The following ATF6 variants were observed in gnomAD, a reference collection of about 807,000 sequenced individuals.
ATF6 encodes activating transcription factor 6.
ATF6 carries 53 observed loss-of-function variants against 83.6 expected under a neutral mutation model. The observed-to-expected ratio is 0.63, with a 90% confidence interval of 0.51 to 0.80. The LOEUF (loss-of-function observed/expected upper bound fraction) is 0.80, where lower values mean the gene tolerates loss of function less well. Ranked by LOEUF, ATF6 falls within the 30% of genes least tolerant of loss-of-function variation. ATF6 has a pLI of 0.00. For synonymous variants in ATF6, 288 were observed against 285.8 expected, an observed-to-expected ratio of 1.01 and a Z score of -0.08; for missense variants, 744 against 797.9, an observed-to-expected ratio of 0.93 and a Z score of 0.81.
At chr1:161,809,576 G>C (rs1015940548) in intron 7 of ATF6, among the ~76,000 whole-genome samples, 10 of 152,148 alleles carry the variant, frequency 6.6e-5, no homozygotes, top group African/African-American at 9.7e-5. Context: ...GGATGGTTGG[G>C]TCAAATGGTA....
intron 14 of ATF6, among the ~76,000 whole-genome samples, chr1:161,908,465 T>A (rs1279020150): frequency 6.6e-6 from 1 of 152,218 alleles, no homozygotes; most frequent in Non-Finnish European, 1.5e-5. Context: ...ATGCACAATA[T>A]TGCACAACAT....
intron 1 of ATF6, among the ~76,000 whole-genome samples, chr1:161,773,239 T>G (rs1571116086): frequency 6.6e-6 from 1 of 151,214 alleles, no homozygotes; most frequent in Non-Finnish European, 1.5e-5. Flanking sequence ...GTTCACGCCA[T>G]TCTTCTGCCT....
intron 9 of ATF6, among the ~76,000 whole-genome samples, chr1:161,829,402 G>T (rs530240883): frequency 6.6e-6 from 1 of 151,946 alleles, no homozygotes; most frequent in Non-Finnish European, 1.5e-5. Context: ...TCTGCACCAA[G>T]CAGACCTAAT....
intron 15 of ATF6, among the ~76,000 whole-genome samples, chr1:161,929,917 G>A (rs1333690223): frequency 6.6e-6 from 1 of 152,220 alleles, no homozygotes; most frequent in Non-Finnish European, 1.5e-5. Flanking sequence ...TCTGTAAAGG[G>A]TCAGTATGAT....
intron 7 of ATF6, among the ~76,000 whole-genome samples, chr1:161,809,192 A>G (rs1010007247): frequency 1.5e-5 from 2 of 131,978 alleles, no homozygotes; most frequent in Non-Finnish European, 3.2e-5. Flanking sequence ...TATCCCTCCC[A>G]CCTCCCCCAA....
At chr1:161,848,888 C>T (rs1686545510) in intron 10 of ATF6, among the ~76,000 whole-genome samples, 1 of 151,250 alleles carries the variant, frequency 6.6e-6, no homozygotes, top group Non-Finnish European at 1.5e-5. Context: ...TTTCTCTCTC[C>T]TTTAACTCCA....
At chr1:161,957,390 TA>T (rs1451394060) in intron 15 of ATF6, among the ~76,000 whole-genome samples, 2 of 152,200 alleles carry the variant, frequency 1.3e-5, no homozygotes, top group African/African-American at 2.4e-5. Context: ...CCATATTAAG[TA>T]CTCAGAATTC....
chr1:161,903,884 T>A (rs1180681307), intron 14 of ATF6, among the ~76,000 whole-genome samples: 1 of 152,216 alleles, frequency 6.6e-6, no homozygotes, highest in Admixed American at 6.5e-5. Context: ...ACTATCTGCA[T>A]CAGAATCACC....
At chr1:161,930,876 T>C (rs1450791863) in intron 15 of ATF6, among the ~76,000 whole-genome samples, 4 of 152,104 alleles carry the variant, frequency 2.6e-5, no homozygotes, top group Non-Finnish European at 5.9e-5. Flanking sequence ...GTTCCTAAAA[T>C]GTAGGTTCGT....
chr1:161,889,442 C>G (rs1223266397), intron 14 of ATF6, among the ~76,000 whole-genome samples: 1 of 152,244 alleles, frequency 6.6e-6, no homozygotes, highest in Non-Finnish European at 1.5e-5. Flanking sequence ...TGTAAGCACA[C>G]TCTCAGAGTC....
chr1:161,948,920 C>T (rs1231258797), intron 15 of ATF6, among the ~76,000 whole-genome samples: 1 of 152,182 alleles, frequency 6.6e-6, no homozygotes, highest in Non-Finnish European at 1.5e-5. Flanking sequence ...CCAAGTTCAG[C>T]GTGGACTGAG....
chr1:161,941,981 TG>T (rs954222734), intron 15 of ATF6, among the ~76,000 whole-genome samples: 14 of 149,398 alleles, frequency 9.4e-5, no homozygotes, highest in Non-Finnish European at 1.6e-4. Flanking sequence ...TTCGGCGGGG[TG>T]GGGGGGTTTT....
At chr1:161,770,828 G>GT (rs1684367096) in intron 1 of ATF6, among the ~76,000 whole-genome samples, 1 of 152,158 alleles carries the variant, frequency 6.6e-6, no homozygotes, top group South Asian at 2.1e-4. Flanking sequence ...TTTTCCAATT[G>GT]TTTGGGTAAA....
At chr1:161,937,255 A>G (rs745610151) in intron 15 of ATF6, among the ~76,000 whole-genome samples, 7 of 151,704 alleles carry the variant, frequency 4.6e-5, no homozygotes, top group Non-Finnish European at 8.8e-5. Context: ...GAGTTGGGAG[A>G]ATCACGTGAA....
At chr1:161,934,322 A>G (rs1688497431) in intron 15 of ATF6, among the ~76,000 whole-genome samples, 2 of 152,222 alleles carry the variant, frequency 1.3e-5, no homozygotes, top group Non-Finnish European at 2.9e-5. Context: ...AATAAGAAGC[A>G]CCAAAGAATT....
At chr1:161,774,265 C>T (rs1212756750) in intron 1 of ATF6, among the ~76,000 whole-genome samples, 1 of 152,084 alleles carries the variant, frequency 6.6e-6, no homozygotes, top group Non-Finnish European at 1.5e-5. Context: ...TTTATAGGCT[C>T]ACTTCAGCAG....
At chr1:161,846,914 T>C (rs1686499016) in intron 10 of ATF6, among the ~76,000 whole-genome samples, 1 of 152,026 alleles carries the variant, frequency 6.6e-6, no homozygotes, top group Non-Finnish European at 1.5e-5. Flanking sequence ...ATACATCTAA[T>C]ATTTGTTACT....
In ATF6 at chr1:161,851,735, G is replaced by A. The variant is rs377157608; in HGVS notation, c.1333G>A (p.Val445Ile). ...QKNSYRYDHS[V>I]SNDKALMVLT... ...TCCATGTTTCAGATATGATCATTCT[G>A]TTTCAAATGACAAAGCCCTGATGGT... The change falls in exon 11 of 16, where the codon GTT becomes ATT. Residue 445 changes from valine to isoleucine, a missense_variant. Coordinates refer to ENST00000367942, the MANE Select transcript of ATF6 (RefSeq NM_007348.4). The A allele has an allele frequency of 9.3e-6, 15 of 1,612,974 alleles. No homozygotes were observed. Among genetic ancestry groups the A allele is most frequent in the Non-Finnish European group, 1.3e-5 (15 of 1,179,318 alleles).
chr1:161,786,745 A>T (rs1279696434), intron 4 of ATF6, among the ~76,000 whole-genome samples: 1 of 152,188 alleles, frequency 6.6e-6, no homozygotes, highest in Non-Finnish European at 1.5e-5. Flanking sequence ...GATATTTCTT[A>T]GCCATAATAC....
Sources: gnomAD v4.1 joint callset for allele counts (sites outside exome capture counted in the v4.1 genomes callset) on GRCh38, gnomAD v4.1.1 for gene constraint, MANE v1.5 for transcripts, NCBI Gene and HGNC (gene_info 2026-07-23, HGNC 2026-07-21) for gene names.